DLG2: variants seen among roughly 807,000 people sequenced by gnomAD.
DLG2 encodes disks large homolog 2.
DLG2 carries 45 observed loss-of-function variants against 132.5 expected under a neutral mutation model. That is an observed-to-expected ratio of 0.34 (90% CI 0.27 to 0.44). The LOEUF (loss-of-function observed/expected upper bound fraction) is 0.44, where lower values mean the gene tolerates loss of function less well. DLG2 is among the 20% of genes least tolerant of loss of function. The pLI, the probability that DLG2 is intolerant of heterozygous loss-of-function variation, is 1.00. For missense variants in DLG2, 1,045 were observed against 1,196.9 expected, an observed-to-expected ratio of 0.87 and a Z score of 1.87; for synonymous variants, 424 against 419.6, an observed-to-expected ratio of 1.01 and a Z score of -0.13.
chr11:84,178,883 G>C (rs1359861627), intron 8 of DLG2, among the ~76,000 whole-genome samples: 3 of 152,052 alleles, frequency 2.0e-5, no homozygotes, highest in Non-Finnish European at 4.4e-5. Context: ...GCTGGTAAGA[G>C]AGAAGAGGGC....
chr11:84,219,330 T>C (rs115732694), intron 8 of DLG2, among the ~76,000 whole-genome samples: 123 of 152,338 alleles, frequency 8.1e-4, no homozygotes, highest in African/African-American at 2.8e-3. Context: ...TTCACCAATG[T>C]GTGAGAGGTA....
At chr11:84,914,786 C>A (rs1368751900) in intron 6 of DLG2, among the ~76,000 whole-genome samples, 1 of 152,202 alleles carries the variant, frequency 6.6e-6, no homozygotes, top group Non-Finnish European at 1.5e-5. Flanking sequence ...AGGCTCTAAA[C>A]CTCCATGGCC....
chr11:85,013,841 G>C (rs566768231), intron 6 of DLG2, among the ~76,000 whole-genome samples: 47 of 152,066 alleles, frequency 3.1e-4, no homozygotes, highest in African/African-American at 1.1e-3. Flanking sequence ...CAGCAGTTAG[G>C]GTTTATAGCA....
intron 8 of DLG2, among the ~76,000 whole-genome samples, chr11:84,199,846 C>T (rs1467762018): frequency 6.6e-6 from 1 of 151,644 alleles, no homozygotes; most frequent in Non-Finnish European, 1.5e-5. Context: ...GCTGGAGTCT[C>T]AGAAAAGAAA....
intron 6 of DLG2, among the ~76,000 whole-genome samples, chr11:84,587,513 T>C (rs1565380348): frequency 6.6e-6 from 1 of 152,206 alleles, no homozygotes; most frequent in Non-Finnish European, 1.5e-5. Context: ...ATGACTTTAA[T>C]TTTTTTCTCA....
chr11:84,772,460 C>T (rs1221578502), intron 6 of DLG2, among the ~76,000 whole-genome samples: 1 of 152,128 alleles, frequency 6.6e-6, no homozygotes, highest in African/African-American at 2.4e-5. Context: ...TAGACATCTA[C>T]AGAATAATCC....
In DLG2 at chr11:85,282,198, A is replaced by G. The variant is rs150724116; in HGVS notation, c.186+3022T>C. The stretch of plus-strand genomic sequence containing the variant: ...GATGGAAAGTTGAATGATGGGTACA[A>G]GGGTCTGTGAAGGTAATGGGCAGGG... On this transcript the variant is annotated intron_variant, in intron 4 of 27. Transcript: ENST00000376104. Among the ~76,000 whole-genome samples the G allele has an allele frequency of 6.6e-4, 100 of 152,056 alleles. No homozygotes were observed. The Middle Eastern group carries it at 0.01, about 16-fold the overall frequency.
At chr11:84,154,417 A>G (rs2095379772) in intron 9 of DLG2, among the ~76,000 whole-genome samples, 1 of 152,186 alleles carries the variant, frequency 6.6e-6, no homozygotes, top group African/African-American at 2.4e-5. Flanking sequence ...CATCCCCTTG[A>G]GCTGCCAATA....
chr11:85,410,176 G>T (rs1030065318), intron 3 of DLG2, among the ~76,000 whole-genome samples: 1 of 151,840 alleles, frequency 6.6e-6, no homozygotes, highest in African/African-American at 2.4e-5. Context: ...GTACACTTAA[G>T]GGTGTGAAGT....
intron 6 of DLG2, among the ~76,000 whole-genome samples, chr11:84,554,769 G>GGAAATA: frequency 6.6e-6 from 1 of 151,818 alleles, no homozygotes; most frequent in Admixed American, 6.6e-5. Flanking sequence ...AATAATGAAG[G>GGAAATA]AAATAAAGTC....
intron 6 of DLG2, among the ~76,000 whole-genome samples, chr11:84,558,499 A>G (rs1490024118): frequency 6.6e-6 from 1 of 152,138 alleles, no homozygotes; most frequent in Non-Finnish European, 1.5e-5. Flanking sequence ...ATAAAACTCT[A>G]AACCAATCAG....
chr11:84,447,849 T>C (rs976304230), intron 7 of DLG2, among the ~76,000 whole-genome samples: 1 of 151,960 alleles, frequency 6.6e-6, no homozygotes, highest in Non-Finnish European at 1.5e-5. Flanking sequence ...AGCAGAAAAA[T>C]AGACTGATAA....
At chr11:84,451,596 C>T (rs2099051805) in intron 7 of DLG2, among the ~76,000 whole-genome samples, 1 of 151,734 alleles carries the variant, frequency 6.6e-6, no homozygotes, top group Admixed American at 6.6e-5. Flanking sequence ...AATCCCTCCT[C>T]CACTTATTTA....
At chr11:83,617,221 A>T (rs1301549753) in intron 19 of DLG2, among the ~76,000 whole-genome samples, 1 of 152,254 alleles carries the variant, frequency 6.6e-6, no homozygotes, top group Non-Finnish European at 1.5e-5. Flanking sequence ...TAGGAATTGC[A>T]GTGAATCAAT....
chr11:85,598,158 T>C (rs958866174), intron 3 of DLG2, among the ~76,000 whole-genome samples: 2 of 152,054 alleles, frequency 1.3e-5, no homozygotes, highest in African/African-American at 4.8e-5. Flanking sequence ...CAATAAACTT[T>C]TCAATTCTGG....
chr11:84,075,039 A>AG (rs2096808896), intron 10 of DLG2, among the ~76,000 whole-genome samples: 1 of 151,916 alleles, frequency 6.6e-6, no homozygotes, highest in Admixed American at 6.6e-5. Context: ...CTACATACCT[A>AG]GCTCACTCCT....
At chr11:83,809,296 C>G (rs2046680773) in intron 17 of DLG2, among the ~76,000 whole-genome samples, 1 of 152,174 alleles carries the variant, frequency 6.6e-6, no homozygotes, top group Admixed American at 6.5e-5. Flanking sequence ...CTCCTGAAAA[C>G]TAAAATAGCA....
At chr11:83,914,815 T>G (rs1362741029) in intron 15 of DLG2, among the ~76,000 whole-genome samples, 1 of 152,096 alleles carries the variant, frequency 6.6e-6, no homozygotes, top group Non-Finnish European at 1.5e-5. Context: ...TTCAGAGCAT[T>G]TGAGGATCGA....
At chr11:84,267,479 C>A (rs1417540067) in intron 7 of DLG2, among the ~76,000 whole-genome samples, 1 of 152,216 alleles carries the variant, frequency 6.6e-6, no homozygotes, top group Non-Finnish European at 1.5e-5. Flanking sequence ...TATCCTATTC[C>A]TGTACCACTA....
Sources: gnomAD v4.1 joint callset for allele counts (sites outside exome capture counted in the v4.1 genomes callset) on GRCh38, gnomAD v4.1.1 for gene constraint, MANE v1.5 for transcripts, NCBI Gene and HGNC (gene_info 2026-07-23, HGNC 2026-07-21) for gene names.